The following TTC28 variants were observed in gnomAD, a reference collection of about 807,000 sequenced individuals.
TTC28 encodes tetratricopeptide repeat protein 28.
TTC28 carries 61 observed loss-of-function variants against 198.0 expected under a neutral mutation model. The observed-to-expected ratio is 0.31, with a 90% CI of 0.25 to 0.38. TTC28 has a LOEUF of 0.38. TTC28 is among the 10% of genes least tolerant of loss of function. The probability of loss-of-function intolerance (pLI) is 1.00; values close to 1 mark genes in which losing one functional copy is unlikely to be tolerated. For synonymous variants in TTC28, 1,171 were observed against 1,297.8 expected, an observed-to-expected ratio of 0.90 and a Z score of 2.10; for missense variants, 2,678 against 3,164.0, an observed-to-expected ratio of 0.85 and a Z score of 3.69.
At chr22:28,573,667 C>T (rs766066529) in intron 2 of TTC28, among the ~76,000 whole-genome samples, 16 of 151,992 alleles carry the variant, frequency 1.1e-4, no homozygotes, top group Non-Finnish European at 1.8e-4. Context: ...ATCTACATCA[C>T]CTCAAGCATG....
chr22:27,989,154 G>A (rs1937311229), intron 21 of TTC28, among the ~76,000 whole-genome samples: 1 of 152,188 alleles, frequency 6.6e-6, no homozygotes, highest in African/African-American at 2.4e-5. Context: ...ACAGCAATAT[G>A]TCAGGAGTCA....
rs192828587 is a variant in TTC28 at position 28,166,998 on chromosome 22, C to T, written c.934-3399G>A. Reference sequence around the variant, plus strand: ...AAAACGACAAAGGGGATATGACCACCGATTCCACAGAAATACAAACTACCA... The same window carrying T: ...AAAACGACAAAGGGGATATGACCACTGATTCCACAGAAATACAAACTACCA... On this transcript the variant is annotated intron_variant, in intron 5 of 22. Transcript: ENST00000397906. Among the ~76,000 whole-genome samples, 64 of 152,122 alleles carry T rather than the reference C, an allele frequency of 4.2e-4. No homozygotes were observed. In the South Asian group the frequency reaches 6.9e-3, roughly 16 times the overall value.
chr22:28,535,041 A>G (rs2049236964), intron 2 of TTC28, among the ~76,000 whole-genome samples: 1 of 152,014 alleles, frequency 6.6e-6, no homozygotes, highest in African/African-American at 2.4e-5. Context: ...ACATGTGTAC[A>G]CCCTAGAACT....
chr22:28,657,098 A>T (rs2051670909), intron 1 of TTC28, among the ~76,000 whole-genome samples: 1 of 152,228 alleles, frequency 6.6e-6, no homozygotes, highest in Non-Finnish European at 1.5e-5. Flanking sequence ...ACAAGCTAGT[A>T]TTCCCACTTT....
At chr22:28,356,336 C>T (rs1347360488) in intron 2 of TTC28, among the ~76,000 whole-genome samples, 1 of 152,106 alleles carries the variant, frequency 6.6e-6, no homozygotes, top group Non-Finnish European at 1.5e-5. Flanking sequence ...TACCAAAAGC[C>T]CTAGTCAAGG....
chr22:28,273,992 G>A (rs1204560000), intron 5 of TTC28, among the ~76,000 whole-genome samples: 1 of 152,110 alleles, frequency 6.6e-6, no homozygotes, highest in African/African-American at 2.4e-5. Flanking sequence ...TACTGGTGTA[G>A]CCATCAACAA....
rs574501587 is a variant in TTC28 at position 28,640,316 on chromosome 22, G to C, written c.103-10486C>G. On this transcript the variant is annotated intron_variant, in intron 1 of 22. Coordinates refer to ENST00000397906, the MANE Select transcript of TTC28 (RefSeq NM_001145418.2). ...TATAGAGGAGAAAAAAAGTAAAGGG[G>C]GGGGGGGGAAAGATGAGCAATAAGA... Among the ~76,000 whole-genome samples, 301 of 143,256 alleles carry C rather than the reference G, an allele frequency of 2.1e-3. 2 individuals carry two copies. Among genetic ancestry groups the C allele is most frequent in the African/African-American group, 7.0e-3 (275 of 39,326 alleles). 94.0% of individuals were successfully genotyped at this position (143,256 alleles called of 152,430 possible). A position where few individuals can be genotyped will look rare whatever the true frequency, so the allele number is the denominator to read the frequency against.
intron 2 of TTC28, among the ~76,000 whole-genome samples, chr22:28,505,707 C>T (rs2048602334): frequency 6.6e-6 from 1 of 152,182 alleles, no homozygotes; most frequent in Admixed American, 6.5e-5. Context: ...CCCCAGAATC[C>T]CCCGCAAGGC....
intron 10 of TTC28, among the ~76,000 whole-genome samples, chr22:28,096,999 T>C (rs1294873126): frequency 6.6e-6 from 1 of 152,120 alleles, no homozygotes; most frequent in Non-Finnish European, 1.5e-5. Flanking sequence ...GAGACGGGGT[T>C]TCGCCATGTT....
chr22:28,620,333 G>C (rs943601388), intron 2 of TTC28, among the ~76,000 whole-genome samples: 3 of 140,272 alleles, frequency 2.1e-5, no homozygotes, highest in African/African-American at 7.9e-5. Flanking sequence ...CTGAGCAACA[G>C]AGCAAATCTC....
intron 19 of TTC28, 57 bp downstream of exon 19, chr22:27,992,530 C>T (rs1937453206): frequency 6.5e-7 from 1 of 1,531,452 alleles, no homozygotes. Flanking sequence ...AGTTGCTCTG[C>T]CTTTCCAAAT....
intron 2 of TTC28, among the ~76,000 whole-genome samples, chr22:28,597,111 A>G (rs779906725): frequency 6.6e-6 from 1 of 152,162 alleles, no homozygotes; most frequent in Non-Finnish European, 1.5e-5. Flanking sequence ...TCATTTGCTC[A>G]TTCTAGGTGG....
intron 2 of TTC28, among the ~76,000 whole-genome samples, chr22:28,346,791 T>G (rs1489819250): frequency 6.6e-6 from 1 of 152,156 alleles, no homozygotes; most frequent in Non-Finnish European, 1.5e-5. Flanking sequence ...GAACCACTGT[T>G]CTGGGAGATA....
intron 12 of TTC28, among the ~76,000 whole-genome samples, chr22:28,060,343 C>T (rs935637955): frequency 3.9e-5 from 6 of 152,108 alleles, no homozygotes; most frequent in South Asian, 2.1e-4. Flanking sequence ...TGAGAACATG[C>T]GGTGTTTGGT....
intron 2 of TTC28, among the ~76,000 whole-genome samples, chr22:28,482,608 T>C (rs1441612592): frequency 2.0e-5 from 3 of 152,184 alleles, no homozygotes; most frequent in Non-Finnish European, 4.4e-5. Flanking sequence ...CATTTTAAAG[T>C]GAACAACTGA....
chr22:28,619,299 T>C (rs1033437002), intron 2 of TTC28, among the ~76,000 whole-genome samples: 2 of 152,218 alleles, frequency 1.3e-5, no homozygotes, highest in African/African-American at 4.8e-5. Flanking sequence ...CTTCAAGATA[T>C]GTAATGTTAA....
intron 2 of TTC28, among the ~76,000 whole-genome samples, chr22:28,323,690 GT>G (rs1393751195): frequency 9.2e-5 from 14 of 152,144 alleles, no homozygotes; most frequent in African/African-American, 3.4e-4. Flanking sequence ...TGAGATCAGG[GT>G]GGAAAATTTA....
At chr22:28,572,578 G>T (rs2146030802) in intron 2 of TTC28, among the ~76,000 whole-genome samples, 1 of 152,124 alleles carries the variant, frequency 6.6e-6, no homozygotes, top group Admixed American at 6.5e-5. Context: ...AAAAAATTTT[G>T]AAAACAGGCA....
chr22:28,477,436 C>T (rs571228573), intron 2 of TTC28, among the ~76,000 whole-genome samples: 1 of 152,268 alleles, frequency 6.6e-6, no homozygotes, highest in African/African-American at 2.4e-5. Context: ...CCCTCATTAA[C>T]ACATTCCAGC....
Sources: gnomAD v4.1 joint callset for allele counts (sites outside exome capture counted in the v4.1 genomes callset) on GRCh38, gnomAD v4.1.1 for gene constraint, MANE v1.5 for transcripts, NCBI Gene and HGNC (gene_info 2026-07-23, HGNC 2026-07-21) for gene names.